The following DLGAP1 variants were observed in gnomAD, a reference collection of about 807,000 sequenced individuals.
DLGAP1 encodes DLG associated protein 1.
DLGAP1 carries 11 observed loss-of-function variants against 90.8 expected under a neutral mutation model. The ratio of observed to expected loss-of-function variants is 0.12; its 90% CI spans 0.08 to 0.20. The LOEUF (loss-of-function observed/expected upper bound fraction) is 0.20, where lower values mean the gene tolerates loss of function less well. Ranked by LOEUF, DLGAP1 falls within the 10% of genes least tolerant of loss-of-function variation. DLGAP1 has a pLI of 1.00. For missense variants in DLGAP1, 1,050 were observed against 1,333.8 expected (o/e 0.79, Z 3.31); for synonymous variants, 558 against 540.7 (o/e 1.03, Z -0.44).
chr18:3,662,138 T>G (rs572060587), intron 7 of DLGAP1, among the ~76,000 whole-genome samples: 1 of 151,952 alleles, frequency 6.6e-6, no homozygotes, highest in South Asian at 2.1e-4. Context: ...CAGTAAAAGG[T>G]GCAGGTAGAG....
intron 1 of DLGAP1, among the ~76,000 whole-genome samples, chr18:4,304,195 TAAA>T (rs1052737760): frequency 2.6e-5 from 4 of 152,182 alleles, no homozygotes; most frequent in Admixed American, 1.3e-4. Flanking sequence ...TGGAGGAAGA[TAAA>T]AAGTTCTGGA....
intron 7 of DLGAP1, among the ~76,000 whole-genome samples, chr18:3,585,254 A>C (rs368229032): frequency 6.6e-6 from 1 of 152,218 alleles, no homozygotes; most frequent in African/African-American, 2.4e-5. Flanking sequence ...GTGCATATAC[A>C]TTGTAAATAT....
intron 7 of DLGAP1, among the ~76,000 whole-genome samples, chr18:3,622,467 C>G (rs890138321): frequency 8.5e-5 from 13 of 152,130 alleles, no homozygotes; most frequent in Non-Finnish European, 1.6e-4. Context: ...GAAAGTTACT[C>G]TCTCAAAGAT....
intron 7 of DLGAP1, among the ~76,000 whole-genome samples, chr18:3,591,255 G>GA (rs915024953): frequency 5.3e-5 from 8 of 151,446 alleles, no homozygotes; most frequent in South Asian, 4.2e-4. Flanking sequence ...GAGGCCAAAA[G>GA]AAAAAAAAGA....
intron 7 of DLGAP1, among the ~76,000 whole-genome samples, chr18:3,651,473 G>A (rs547280965): frequency 6.6e-6 from 1 of 152,132 alleles, no homozygotes; most frequent in African/African-American, 2.4e-5. Flanking sequence ...ACCTTGACAC[G>A]CTGAGCACAT....
intron 1 of DLGAP1, among the ~76,000 whole-genome samples, chr18:4,296,669 C>T (rs1317871862): frequency 1.3e-5 from 2 of 152,196 alleles, no homozygotes; most frequent in African/African-American, 2.4e-5. Flanking sequence ...GTGGACAAAA[C>T]ATTTTTTGTT....
At chr18:4,355,180 G>A (rs1405184043) in intron 1 of DLGAP1, among the ~76,000 whole-genome samples, 1 of 152,170 alleles carries the variant, frequency 6.6e-6, no homozygotes, top group African/African-American at 2.4e-5. Context: ...GTACACAAAT[G>A]TTCATGGCAG....
chr18:3,538,145 A>G (rs528871569), intron 9 of DLGAP1, among the ~76,000 whole-genome samples: 35 of 152,352 alleles, frequency 2.3e-4, no homozygotes, highest in Non-Finnish European at 4.1e-4. Flanking sequence ...AGTCATCTCA[A>G]TAAATCAATT....
At chr18:4,020,833 C>G (rs1196111656) in intron 2 of DLGAP1, among the ~76,000 whole-genome samples, 3 of 152,196 alleles carry the variant, frequency 2.0e-5, no homozygotes, top group Non-Finnish European at 4.4e-5. Flanking sequence ...TTGCAAGAGT[C>G]TGAACCTCCC....
intron 1 of DLGAP1, among the ~76,000 whole-genome samples, chr18:4,234,430 T>G (rs140909113): frequency 2.0e-5 from 3 of 152,200 alleles, no homozygotes; most frequent in Non-Finnish European, 4.4e-5. Flanking sequence ...CACAGCAGGG[T>G]TCAAGTGCTG....
At chr18:3,536,713 T>G (rs766051472) in intron 9 of DLGAP1, among the ~76,000 whole-genome samples, 3 of 152,190 alleles carry the variant, frequency 2.0e-5, no homozygotes, top group African/African-American at 7.2e-5. Context: ...AGCGAGGTGA[T>G]GAAAGACACC....
chr18:4,374,878 T>C (rs1304942491), intron 1 of DLGAP1, among the ~76,000 whole-genome samples: 1 of 152,112 alleles, frequency 6.6e-6, no homozygotes, highest in Non-Finnish European at 1.5e-5. Context: ...ACATGTCAAT[T>C]TGTAGTTTAA....
At chr18:4,086,084 C>G (rs2075676846) in intron 2 of DLGAP1, among the ~76,000 whole-genome samples, 1 of 152,150 alleles carries the variant, frequency 6.6e-6, no homozygotes, top group South Asian at 2.1e-4. Context: ...ATGTCCAACT[C>G]TGCTTCTTTC....
In DLGAP1 at chr18:4,252,267, G is replaced by T. The variant is rs748720711; in HGVS notation, c.-266-100980C>A. Among the ~76,000 whole-genome samples the T allele has an allele frequency of 5.0e-4, 76 of 152,252 alleles. 1 individual carries two copies. The Middle Eastern group carries it at 0.017, about 34-fold the overall frequency. ...TTTGGGCTAGTCTCATTTCTCTTTTGCCTCATTTTTGTAATTCTGAGGTTG... is the reference window on the plus strand; with the variant it reads ...TTTGGGCTAGTCTCATTTCTCTTTTTCCTCATTTTTGTAATTCTGAGGTTG... On this transcript the variant is annotated intron_variant, in intron 1 of 12. Coordinates refer to ENST00000315677, the MANE Select transcript of DLGAP1 (RefSeq NM_004746.4).
intron 2 of DLGAP1, among the ~76,000 whole-genome samples, chr18:4,022,013 T>A (rs9952018): frequency 0.28 from 42,540 of 152,066 alleles, 6,846 homozygotes; most frequent in African/African-American, 0.43. Context: ...TTCTGTCCCC[T>A]AGTGAGAAAG....
intron 2 of DLGAP1, among the ~76,000 whole-genome samples, chr18:4,081,643 T>G (rs1208884165): frequency 6.6e-6 from 1 of 152,222 alleles, no homozygotes; most frequent in Non-Finnish European, 1.5e-5. Context: ...ATCCCTTCCC[T>G]GAGTTTTCAT....
chr18:4,450,422 C>T (rs1012572318), intron 1 of DLGAP1, among the ~76,000 whole-genome samples: 2 of 152,138 alleles, frequency 1.3e-5, no homozygotes, highest in Admixed American at 6.5e-5. Flanking sequence ...TTCAAATTAG[C>T]TAAAACCGTG....
chr18:3,726,289 T>G (rs1011315368), intron 7 of DLGAP1, among the ~76,000 whole-genome samples: 2 of 152,340 alleles, frequency 1.3e-5, no homozygotes, highest in Non-Finnish European at 2.9e-5. Flanking sequence ...GAGTGTATTC[T>G]TTCAAAAATT....
chr18:3,501,104 G>A (rs1284609484), intron 12 of DLGAP1, among the ~76,000 whole-genome samples: 2 of 151,690 alleles, frequency 1.3e-5, no homozygotes, highest in Non-Finnish European at 2.9e-5. Flanking sequence ...TTGTAGAGAC[G>A]GCGTTTCACC....
Sources: gnomAD v4.1 joint callset for allele counts (sites outside exome capture counted in the v4.1 genomes callset) on GRCh38, gnomAD v4.1.1 for gene constraint, MANE v1.5 for transcripts, NCBI Gene and HGNC (gene_info 2026-07-23, HGNC 2026-07-21) for gene names.